The following FRMD6 variants were observed in gnomAD, a reference collection of about 807,000 sequenced individuals.
FRMD6 encodes the protein FERM domain containing 6.
Under a neutral mutation model 73.2 loss-of-function variants are expected in FRMD6, and 37 were observed. That is an observed-to-expected ratio of 0.51 (90% CI 0.39 to 0.66). FRMD6 has a LOEUF of 0.66. FRMD6 is among the 30% of genes least tolerant of loss of function. The probability of loss-of-function intolerance (pLI) is 0.00; values close to 1 mark genes in which losing one functional copy is unlikely to be tolerated. For synonymous variants in FRMD6, 273 were observed against 282.2 expected, an observed-to-expected ratio of 0.97 and a Z score of 0.33; for missense variants, 714 against 780.5, an observed-to-expected ratio of 0.91 and a Z score of 1.02.
chr14:51,561,015 C>T (rs963848649), intron 1 of FRMD6, among the ~76,000 whole-genome samples: 1 of 152,190 alleles, frequency 6.6e-6, no homozygotes, highest in Non-Finnish European at 1.5e-5. Context: ...CATTCTTAAG[C>T]CCCTCTTCCT....
chr14:51,436,423 A>G, the FRMD6 span: 1 of 492,570 alleles, frequency 2.0e-6, no homozygotes, highest in South Asian at 2.0e-5. Flanking sequence ...GAATTTGATG[A>G]CATTAAATCA....
rs145867652 is a variant in FRMD6 at position 51,671,610 on chromosome 14, C to T, written c.-146-18081C>T. On this transcript the variant is annotated intron_variant, in intron 1 of 13. Coordinates refer to ENST00000344768, the MANE Select transcript of FRMD6 (RefSeq NM_001267046.2). The stretch of plus-strand genomic sequence containing the variant: ...CCCTCTCAAAGCAGCATGAATTCTG[C>T]TGAAATTGAGGCAAGAGTAAACATC... Among the ~76,000 whole-genome samples, 241 of 152,176 alleles carry T rather than the reference C, an allele frequency of 1.6e-3. 1 individual carries two copies. Among genetic ancestry groups the T allele is most frequent in the African/African-American group, 5.3e-3 (218 of 41,510 alleles).
At chr14:51,616,037 A>T (rs1174731657) in intron 2 of FRMD6, among the ~76,000 whole-genome samples, 2 of 152,220 alleles carry the variant, frequency 1.3e-5, no homozygotes, top group African/African-American at 4.8e-5. Flanking sequence ...ATATGGGTAT[A>T]AAGGCCATAG....
the FRMD6 span, among the ~76,000 whole-genome samples, chr14:51,430,356 A>C: frequency 6.6e-6 from 1 of 152,184 alleles, no homozygotes; most frequent in Non-Finnish European, 1.5e-5. Flanking sequence ...AGCTCCTGTT[A>C]AGTACTGCTG....
At chr14:51,579,470 A>G (rs1296949755) in intron 2 of FRMD6, among the ~76,000 whole-genome samples, 1 of 152,156 alleles carries the variant, frequency 6.6e-6, no homozygotes, top group East Asian at 1.9e-4. Flanking sequence ...CCTCATATCC[A>G]TAATGCCTTG....
chr14:51,420,778 A>ATTTTG, the FRMD6 span, among the ~76,000 whole-genome samples: 4 of 152,030 alleles, frequency 2.6e-5, no homozygotes, highest in African/African-American at 9.7e-5. Flanking sequence ...ATTTTATTTT[A>ATTTTG]TTTTATTATT....
chr14:51,689,847 T>C lies in FRMD6; in HGVS notation c.11T>C (p.Leu4Ser). 1 of 1,611,214 alleles carries C rather than the reference T, an allele frequency of 6.2e-7. No homozygotes were observed. Among genetic ancestry groups the C allele is most frequent in the Non-Finnish European group, 8.5e-7 (1 of 1,178,288 alleles). MNK[L>S]NFHNNRVMQD... is the part of the protein sequence containing the mutation. The stretch of plus-strand genomic sequence containing the variant: ...AGTGCCCAAAACACAATGAACAAAT[T>C]GAATTTTCATAACAACAGAGTCATG... The change falls in exon 2 of 14, where the codon TTG becomes TCG. Residue 4 changes from leucine (L) to serine (S), a missense_variant. Transcript: ENST00000344768.
At chr14:51,591,298 A>G (rs1004500588) in intron 2 of FRMD6, among the ~76,000 whole-genome samples, 4 of 152,154 alleles carry the variant, frequency 2.6e-5, no homozygotes, top group Non-Finnish European at 4.4e-5. Flanking sequence ...AACAAACAAA[A>G]AAAAACTTTA....
chr14:51,510,364 G>A (rs1020529968), intron 1 of FRMD6, among the ~76,000 whole-genome samples: 1 of 152,132 alleles, frequency 6.6e-6, no homozygotes, highest in African/African-American at 2.4e-5. Flanking sequence ...TCATCCACCT[G>A]AGTTCACCTG....
chr14:51,629,698 A>C (rs1374416729), intron 2 of FRMD6, among the ~76,000 whole-genome samples: 1 of 152,212 alleles, frequency 6.6e-6, no homozygotes. Context: ...GAAACCTGGC[A>C]CTTGATATGG....
chr14:51,551,161 A>G (rs1886804413), intron 1 of FRMD6, among the ~76,000 whole-genome samples: 1 of 152,164 alleles, frequency 6.6e-6, no homozygotes, highest in African/African-American at 2.4e-5. Flanking sequence ...CCCACTACTA[A>G]GTAAAAAAAC....
At chr14:51,570,067 G>T (rs2357111) in intron 1 of FRMD6, among the ~76,000 whole-genome samples, 1 of 151,840 alleles carries the variant, frequency 6.6e-6, no homozygotes, top group African/African-American at 2.4e-5. Context: ...TGCCCACCTT[G>T]GCCTCCCAAA....
At chr14:51,674,683 T>C (rs1894259330) in intron 1 of FRMD6, among the ~76,000 whole-genome samples, 1 of 152,034 alleles carries the variant, frequency 6.6e-6, no homozygotes, top group Non-Finnish European at 1.5e-5. Context: ...TTGTGTAGGG[T>C]AAGGTGTAAT....
intron 1 of FRMD6, among the ~76,000 whole-genome samples, chr14:51,663,406 A>T (rs537690256): frequency 4.6e-5 from 7 of 152,276 alleles, no homozygotes; most frequent in Non-Finnish European, 1.0e-4. Flanking sequence ...AATGTGGTAC[A>T]TATATATCAT....
At chr14:51,487,456 G>A (rs1882792727), upstream of FRMD6, among the ~76,000 whole-genome samples, 1 of 152,116 alleles carries the variant, frequency 6.6e-6, no homozygotes. Context: ...AGATCACTTG[G>A]GGGATCTTGT....
intron 1 of FRMD6, among the ~76,000 whole-genome samples, chr14:51,522,122 T>A (rs1376458200): frequency 6.6e-6 from 1 of 152,222 alleles, no homozygotes; most frequent in Non-Finnish European, 1.5e-5. Context: ...TTAATTTAGC[T>A]GCTCCTTAGA....
At chr14:51,699,693 A>G (rs1896172104) in intron 3 of FRMD6, among the ~76,000 whole-genome samples, 5 of 152,034 alleles carry the variant, frequency 3.3e-5, no homozygotes, top group African/African-American at 9.7e-5. Flanking sequence ...TTCTTAAGGT[A>G]TAAAGCTCTG....
chr14:51,725,341 C>A (rs532706173), intron 12 of FRMD6, among the ~76,000 whole-genome samples: 1 of 152,202 alleles, frequency 6.6e-6, no homozygotes, highest in South Asian at 2.1e-4. Context: ...CCACAATTCA[C>A]CACTATACAT....
intron 1 of FRMD6, among the ~76,000 whole-genome samples, chr14:51,512,213 T>G (rs7148800): frequency 0.19 from 28,974 of 152,078 alleles, 3,206 homozygotes; most frequent in African/African-American, 0.3. Context: ...ATAATAGTTA[T>G]GCATATGAAG....
Sources: gnomAD v4.1 joint callset for allele counts (sites outside exome capture counted in the v4.1 genomes callset) on GRCh38, gnomAD v4.1.1 for gene constraint, MANE v1.5 for transcripts, NCBI Gene and HGNC (gene_info 2026-07-23, HGNC 2026-07-21) for gene names.